Variants in FPGS observed in about 807,000 individuals in gnomAD.
FPGS encodes the protein folylpolyglutamate synthase.
In FPGS, 53 loss-of-function variants were observed where a neutral mutation model predicts 66.5. The ratio of observed to expected loss-of-function variants is 0.80; its 90% CI spans 0.64 to 1.00. FPGS has a LOEUF of 1.00. Ranked by LOEUF, FPGS falls within the 50% of genes least tolerant of loss-of-function variation. The pLI is 0.00. For synonymous variants in FPGS, 348 were observed against 350.9 expected, an observed-to-expected ratio of 0.99 and a Z score of 0.09; for missense variants, 702 against 807.7, an observed-to-expected ratio of 0.87 and a Z score of 1.59.
intron 14 of FPGS, among the ~76,000 whole-genome samples, chr9:127,812,393 C>T (rs1324676662): frequency 1.3e-5 from 2 of 149,716 alleles, no homozygotes; most frequent in Admixed American, 6.7e-5. Context: ...TGCAGTGGTG[C>T]CATCTCGGCT....
At chr9:127,808,426 C>G in intron 9 of FPGS, 115 bp downstream of exon 9, 2 of 1,501,362 alleles carry the variant, frequency 1.3e-6, no homozygotes, top group Non-Finnish European at 9.2e-7. Flanking sequence ...GGACGCTGGG[C>G]CAGCTGCCAG....
At chr9:127,814,190 C>T (rs1830220622), downstream of FPGS, 4 of 981,584 alleles carry the variant, frequency 4.1e-6, no homozygotes, top group South Asian at 9.4e-5. Flanking sequence ...CAAGTCCCTC[C>T]CTCCCTGTGC....
Position 127,807,785 on chromosome 9 carries a change from C to T in FPGS, c.744+97C>T. On this transcript the variant is annotated intron_variant, in intron 8 of 14. Transcript: ENST00000373247. The surrounding 1 kb of genome is among the most constrained non-coding windows in gnomAD (Gnocchi z 5.8). ...TGTGTGACTGGAACAAGTTGAGTCTCCTCTCCAGACTATTTCCCCATTGAA... is the reference window on the plus strand; with the variant it reads ...TGTGTGACTGGAACAAGTTGAGTCTTCTCTCCAGACTATTTCCCCATTGAA... 1 of 744,974 alleles carries T rather than the reference C, an allele frequency of 1.3e-6. No individual in the cohort carries two copies. The highest frequency in any genetic ancestry group is 2.2e-6 in the Non-Finnish European group (1 of 456,334). The allele number at this position is 744,974 out of a possible 1,614,324, so 46.1% of individuals were successfully genotyped here.
intron 4 of FPGS, chr9:127,806,676 T>G: frequency 2.5e-6 from 1 of 395,862 alleles, no homozygotes; most frequent in South Asian, 3.4e-5. Flanking sequence ...GTCAGCAGAG[T>G]GACTGATTGG....
chr9:127,807,118 TA>T lies in FPGS; in HGVS notation c.501+32del. Reference sequence around the variant, plus strand: ...GCATGCAGGAGGGCTGGCGGGTGGGTATGGTTGGGGGTGCTACGTGTTCCAG... The same window carrying T: ...GCATGCAGGAGGGCTGGCGGGTGGGTTGGTTGGGGGTGCTACGTGTTCCAG... On this transcript the variant is annotated intron_variant, in intron 5 of 14. Coordinates refer to ENST00000373247, the MANE Select transcript of FPGS (RefSeq NM_004957.6). The surrounding 1 kb of genome is among the most constrained non-coding windows in gnomAD (Gnocchi z 5.8). 6.2e-7 allele frequency: 1 copy of T among 1,610,110 alleles called. No individual in the cohort carries two copies. The highest frequency in any genetic ancestry group is 8.5e-7 in the Non-Finnish European group (1 of 1,176,754).
rs753380072 is a variant in FPGS at position 127,804,708 on chromosome 9, C to T, written c.386+8C>T. 6.2e-7 allele frequency: 1 copy of T among 1,613,824 alleles called. No individual in the cohort carries two copies. Among genetic ancestry groups the T allele is most frequent in the Non-Finnish European group, 8.5e-7 (1 of 1,179,880 alleles). ...GAAGACGGGATTCTTTAGGTACTGGCTTGTGGGGGGATGTGGTGTCTGTGT... is the reference window on the plus strand; with the variant it reads ...GAAGACGGGATTCTTTAGGTACTGGTTTGTGGGGGGATGTGGTGTCTGTGT... On this transcript the variant is annotated splice_region_variant and intron_variant, in intron 4 of 14. Transcript: ENST00000373247.
intron 1 of FPGS, among the ~76,000 whole-genome samples, chr9:127,803,856 C>A (rs1829705877): frequency 6.6e-6 from 1 of 152,202 alleles, no homozygotes; most frequent in Admixed American, 6.5e-5. Flanking sequence ...ACCCCAGAGT[C>A]ATGAGGGTTG....
At position 127,804,396 on chromosome 9, in the gene FPGS, G is replaced by T. The variant is rs529578177; in HGVS notation, c.250G>T (p.Ala84Ser). 6.2e-7 allele frequency: 1 copy of T among 1,614,218 alleles called. No homozygotes were observed. Among genetic ancestry groups the T allele is most frequent in the East Asian group, 2.2e-5 (1 of 44,888 alleles). The change falls in exon 2 of 15, where the codon GCA (alanine) becomes TCA (serine). Residue 84 changes from alanine (A) to serine (S), a missense_variant. Coordinates refer to ENST00000373247, the MANE Select transcript of FPGS (RefSeq NM_004957.6). ...GTTGGAAGCCATGGAACTGTACCTG[G>T]CACGGAGTGGGCTGCAGGTAAGGTA... ...TQLEAMELYL[A>S]RSGLQVEDLD...
In FPGS at chr9:127,810,997, C is replaced by A; in HGVS notation, c.1340C>A (p.Ser447Tyr). 1 of 1,590,450 alleles carries A rather than the reference C, an allele frequency of 6.3e-7. No individual in the cohort carries two copies. Among genetic ancestry groups the A allele is most frequent in the Non-Finnish European group, 8.6e-7 (1 of 1,166,536 alleles). The change falls in exon 14 of 15, where the codon TCC (serine) becomes TAC (tyrosine). Residue 447 changes from serine to tyrosine, a missense_variant. This residue lies in a region of FPGS where 351 missense variants were observed against 363.7 expected (regional missense o/e 0.97). Transcript: ENST00000373247. Reference protein sequence around the residue: ...VFCPNLTEVSSTGNADQQNFT... With the variant: ...VFCPNLTEVSYTGNADQQNFT... The stretch of plus-strand genomic sequence containing the variant: ...TGCCCTAACCTGACAGAGGTGTCAT[C>A]CACAGGCAACGCAGGTGAGAGGTGA...
Position 127,807,591 on chromosome 9 carries a change from C to G in FPGS, c.647C>G (p.Pro216Arg). 1 of 1,613,408 alleles carries G rather than the reference C, an allele frequency of 6.2e-7. No individual in the cohort carries two copies. Among genetic ancestry groups the G allele is most frequent in the Non-Finnish European group, 8.5e-7 (1 of 1,179,642 alleles). Residue 216 changes from proline to arginine, a missense_variant, in exon 8 of 15, where the codon CCT becomes CGT. Around this residue, in one of 3 missense-constraint regions of FPGS, gnomAD observed 240 missense variants for 348.6 expected, o/e 0.69. Coordinates refer to ENST00000373247, the MANE Select transcript of FPGS (RefSeq NM_004957.6). This position sits in a 1 kb window ranked among gnomAD's most constrained non-coding sequence, Gnocchi z 5.8. ...AYDCTNIIRK[P>R]VVCGVSSLGI... Reference sequence around the variant, plus strand: ...GGCCTTTTCCTCCCCTGCAGGAAGCCTGTGGTGTGCGGAGTCTCCTCTCTT... The same window carrying G: ...GGCCTTTTCCTCCCCTGCAGGAAGCGTGTGGTGTGCGGAGTCTCCTCTCTT...
At position 127,807,286 on chromosome 9, in the gene FPGS, G is replaced by A. The variant is rs1791047183; in HGVS notation, c.579G>A (p.Lys193=). Reference sequence around the variant, plus strand: ...CCTTCCACGTCTTCCTCCAAGAGAAGGTGTGTGCCCTCTCCCTAGAACCCT... The same window carrying A: ...CCTTCCACGTCTTCCTCCAAGAGAAAGTGTGTGCCCTCTCCCTAGAACCCT... ...LMAFHVFLQE[K]VDLAVVEVGI... Residue 193 remains lysine, a splice_region_variant and synonymous_variant, in exon 6 of 15, where the codon AAG becomes AAA. Transcript: ENST00000373247. The surrounding 1 kb of genome is among the most constrained non-coding windows in gnomAD (Gnocchi z 5.8). 1.9e-6 allele frequency: 3 copies of A among 1,614,066 alleles called. No homozygotes were observed. The highest frequency in any genetic ancestry group is 2.5e-6 in the Non-Finnish European group (3 of 1,180,038).
At chr9:127,803,157 G>T in intron 1 of FPGS, 95 bp downstream of exon 1, 2 of 1,242,996 alleles carry the variant, frequency 1.6e-6, no homozygotes, top group Non-Finnish European at 2.0e-6. Context: ...AGCCGAGAGG[G>T]TATCGGGAGC....
intron 14 of FPGS, among the ~76,000 whole-genome samples, chr9:127,811,648 G>A (rs1830084755): frequency 6.6e-6 from 1 of 152,086 alleles, no homozygotes. Context: ...AACATGCCCA[G>A]CTAAGTTTTA....
In FPGS at chr9:127,811,060, G is replaced by A. The variant is rs778569112; in HGVS notation, c.1354+49G>A. The A allele has an allele frequency of 2.6e-6, 3 of 1,163,510 alleles. No homozygotes were observed. The South Asian group carries it at 4.1e-5, about 16-fold the overall frequency. 72.1% of individuals were successfully genotyped at this position (1,163,510 alleles called of 1,614,324 possible). A position where few individuals can be genotyped will look rare whatever the true frequency, so the allele number is the denominator to read the frequency against. ...CTGGGGATGAGCAGGGGTCCCTGAG[G>A]TAGACAGTGGGGGCTTCCAAACTGG... is the stretch of plus-strand genomic sequence containing the variant. On this transcript the variant is annotated intron_variant, in intron 14 of 14. Transcript: ENST00000373247.
intron 12 of FPGS, 41 bp from the exon 13 acceptor site, chr9:127,809,990 C>T (rs766947268): frequency 1.9e-6 from 3 of 1,573,360 alleles, no homozygotes; most frequent in South Asian, 1.2e-5. Flanking sequence ...GCAGGGAGAA[C>T]GGGCGGCGCC....
intron 1 of FPGS, chr9:127,803,289 G>T (rs1829679368): frequency 4.1e-6 from 5 of 1,231,612 alleles, no homozygotes; most frequent in Non-Finnish European, 5.1e-6. Flanking sequence ...CCCGCCCCGG[G>T]TTGGGAAGTG....
chr9:127,812,261 C>A (rs1425074086), intron 14 of FPGS, among the ~76,000 whole-genome samples: 1 of 151,468 alleles, frequency 6.6e-6, no homozygotes, highest in Non-Finnish European at 1.5e-5. Context: ...TGGACCCTCT[C>A]TAAAAATAAA....
chr9:127,809,997 C>A (rs1165241711), intron 12 of FPGS, 34 bp from the exon 13 acceptor site: 4 of 1,586,442 alleles, frequency 2.5e-6, no homozygotes, highest in Non-Finnish European at 2.6e-6. Flanking sequence ...GAACGGGCGG[C>A]GCCCTTTGAC....
At chr9:127,809,630 T>C (rs1829972592) in intron 11 of FPGS, 54 bp from the exon 12 acceptor site, 6 of 1,508,894 alleles carry the variant, frequency 4.0e-6, no homozygotes, top group South Asian at 2.5e-5. Context: ...GTGTGCGGAA[T>C]TGAGGACGGG....
Sources: allele counts gnomAD v4.1 joint callset (sites outside exome capture counted in the v4.1 genomes callset), GRCh38; gene constraint gnomAD v4.1.1; regional missense constraint gnomAD v4.1.1; non-coding constraint Gnocchi (gnomAD v3.1); transcripts MANE v1.5; gene names NCBI Gene and HGNC (gene_info 2026-07-23, HGNC 2026-07-21).